The following HTT variants were observed in gnomAD, a reference collection of about 807,000 sequenced individuals.
The protein encoded by HTT is huntingtin.
Under a neutral mutation model 362.3 loss-of-function variants are expected in HTT, and 104 were observed. That is an observed-to-expected ratio of 0.29 (90% CI 0.24 to 0.34). HTT has a LOEUF of 0.34. HTT is among the 10% of genes least tolerant of loss of function. The probability of loss-of-function intolerance (pLI) is 1.00; values close to 1 mark genes in which losing one functional copy is unlikely to be tolerated. For synonymous variants in HTT, 1,577 were observed against 1,548.7 expected, an observed-to-expected ratio of 1.02 and a Z score of -0.43; for missense variants, 3,301 against 3,928.6, an observed-to-expected ratio of 0.84 and a Z score of 4.27.
intron 40 of HTT, among the ~76,000 whole-genome samples, chr4:3,198,377 A>C (rs1719369509): frequency 6.6e-6 from 1 of 151,928 alleles, no homozygotes; most frequent in Admixed American, 6.6e-5. Context: ...GGCACCCGCC[A>C]CCACACTCGG....
Position 3,129,921 on chromosome 4 carries a change from T to C in HTT, c.1744-3T>C. 3 of 1,614,024 alleles carry C rather than the reference T, an allele frequency of 1.9e-6. No homozygotes were observed. The highest frequency in any genetic ancestry group is 2.2e-5 in the South Asian group (2 of 91,068). On this transcript the variant is annotated splice_region_variant and splice_polypyrimidine_tract_variant and intron_variant, in intron 12 of 66. Transcript: ENST00000355072. ...TTCTCACAGCCCCCCTTGAACCGTT[T>C]AGGTGTTAGACGGTACCGACAACCA...
chr4:3,231,330 G>A (rs1721237820), intron 60 of HTT, among the ~76,000 whole-genome samples: 1 of 152,142 alleles, frequency 6.6e-6, no homozygotes, highest in East Asian at 1.9e-4. Flanking sequence ...TGTCATGACG[G>A]TGAATGATTT....
intron 21 of HTT, among the ~76,000 whole-genome samples, 181 bp downstream of exon 21, chr4:3,136,507 TA>T (rs1456095659): frequency 1.3e-5 from 2 of 151,828 alleles, no homozygotes; most frequent in Non-Finnish European, 2.9e-5. Context: ...AAATTATAAT[TA>T]AAAAAACAAC....
chr4:3,112,515 A>G (rs948377074), intron 6 of HTT, among the ~76,000 whole-genome samples: 1 of 152,200 alleles, frequency 6.6e-6, no homozygotes, highest in Non-Finnish European at 1.5e-5. Context: ...ACCATGGATT[A>G]AGTGTTCTTT....
rs985324398 is a variant in HTT at position 3,134,656 on chromosome 4, T to G, written c.2633+116T>G. On this transcript the variant is annotated intron_variant, in intron 19 of 66. Coordinates refer to ENST00000355072, the MANE Select transcript of HTT (RefSeq NM_001388492.1). ...CCTGTCCATCAGAAATCCGAGTGGT[T>G]TAGGTAGATGACAGTGATTTTCTCC... 3 of 921,814 alleles carry G rather than the reference T, an allele frequency of 3.3e-6. No homozygotes were observed. The African/African-American group carries it at 5.0e-5, about 15-fold the overall frequency. The allele number at this position is 921,814 out of a possible 1,614,324, so 57.1% of individuals were successfully genotyped here.
intron 26 of HTT, among the ~76,000 whole-genome samples, chr4:3,149,400 C>T (rs184978050): frequency 1.5e-3 from 226 of 149,356 alleles, no homozygotes; most frequent in Middle Eastern, 6.9e-3. Flanking sequence ...TGGGTTCAAA[C>T]GATTCTTCTG....
At chr4:3,149,934 C>G (rs1212164128) in intron 26 of HTT, among the ~76,000 whole-genome samples, 1 of 152,238 alleles carries the variant, frequency 6.6e-6, no homozygotes, top group Non-Finnish European at 1.5e-5. Flanking sequence ...CTTTACATCT[C>G]TGGGCACTGC....
In HTT at chr4:3,089,702, G is replaced by A. The variant is rs141104454; in HGVS notation, c.347+2680G>A. Among the ~76,000 whole-genome samples, 31 of 152,288 alleles carry A rather than the reference G, an allele frequency of 2.0e-4. 1 individual carries two copies. The highest frequency in any genetic ancestry group is 5.8e-4 in the African/African-American group (24 of 41,558). ...ATAAGATCTCTTTCAATCTGAGTGCGTCAGGCTTTATTCTTGTCATTTTGT... is the reference window on the plus strand; with the variant it reads ...ATAAGATCTCTTTCAATCTGAGTGCATCAGGCTTTATTCTTGTCATTTTGT... On this transcript the variant is annotated intron_variant, in intron 2 of 66. Transcript: ENST00000355072.
In HTT at chr4:3,243,120, T is replaced by C. The variant is rs1411490839; in HGVS notation, c.*3061T>C. ...ACAGCTCCTCCTCTTGGAGCTGAGATGAGCCCCACGTGGAGCTCGGGACGG... is the reference window on the plus strand; with the variant it reads ...ACAGCTCCTCCTCTTGGAGCTGAGACGAGCCCCACGTGGAGCTCGGGACGG... On this transcript the variant is annotated 3_prime_UTR_variant, in exon 67 of 67. Coordinates refer to ENST00000355072, the MANE Select transcript of HTT (RefSeq NM_001388492.1). 1 of 152,650 alleles carries C rather than the reference T, an allele frequency of 6.6e-6. No homozygotes were observed. The highest frequency in any genetic ancestry group is 1.5e-5 in the Non-Finnish European group (1 of 68,042). 9.5% of individuals were successfully genotyped at this position (152,650 alleles called of 1,614,324 possible).
In HTT at chr4:3,103,866, T is replaced by C; in HGVS notation, c.511T>C (p.Tyr171His). The C allele has an allele frequency of 6.2e-7, 1 of 1,603,686 alleles. No individual in the cohort carries two copies. The highest frequency in any genetic ancestry group is 8.5e-7 in the Non-Finnish European group (1 of 1,172,316). ...TCTTCCAAGGTTACAGCTCGAGCTC[T>C]ATAAGGAAATTAAAAAGGTGGGCCT... The part of the protein sequence containing the change: ...SNLPRLQLEL[Y>H]KEIKKNGAPR... Residue 171 changes from tyrosine to histidine, a missense_variant, in exon 4 of 67, where the codon TAT (tyrosine) becomes CAT (histidine). By Grantham distance (83) the Tyr-to-His change is moderately conservative (BLOSUM62 2). Around this residue, in one of 4 missense-constraint regions of HTT, gnomAD observed 2,316 missense variants for 2,658.5 expected, o/e 0.87. Coordinates refer to ENST00000355072, the MANE Select transcript of HTT (RefSeq NM_001388492.1).
At chr4:3,197,652 G>A (rs1243022583) in intron 40 of HTT, among the ~76,000 whole-genome samples, 1 of 152,140 alleles carries the variant, frequency 6.6e-6, no homozygotes, top group Non-Finnish European at 1.5e-5. Flanking sequence ...CCTGCGAACA[G>A]ATACTGCTCT....
At chr4:3,159,878 A>G (rs962933041) in intron 28 of HTT, among the ~76,000 whole-genome samples, 1 of 152,204 alleles carries the variant, frequency 6.6e-6, no homozygotes, top group East Asian at 1.9e-4. Flanking sequence ...AACCAACCCT[A>G]TGTGAATTTG....
At chr4:3,187,036 T>G (rs1718796966) in intron 38 of HTT, among the ~76,000 whole-genome samples, 1 of 151,358 alleles carries the variant, frequency 6.6e-6, no homozygotes, top group African/African-American at 2.4e-5. Context: ...TTTTTTTGTA[T>G]TTTTAGTAGA....
At position 3,211,980 on chromosome 4, in the gene HTT, A is replaced by G. The variant is rs1209706587; in HGVS notation, c.6466A>G (p.Ile2156Val). 1 of 1,614,104 alleles carries G rather than the reference A, an allele frequency of 6.2e-7. No individual in the cohort carries two copies. Among genetic ancestry groups the G allele is most frequent in the South Asian group, 1.1e-5 (1 of 91,078 alleles). Reference sequence around the variant, plus strand: ...ATGCTTAAGCCTAGGGATGAGTGAAATTTCTGGTGGCCAGAAGAGTGCCCT... The same window carrying G: ...ATGCTTAAGCCTAGGGATGAGTGAAGTTTCTGGTGGCCAGAAGAGTGCCCT... ...APCLSLGMSEISGGQKSALFE... is the reference protein window; with the variant it reads ...APCLSLGMSEVSGGQKSALFE... Residue 2156 changes from isoleucine to valine, a missense_variant, in exon 48 of 67, where the codon ATT becomes GTT. By Grantham distance (29) the Ile-to-Val change is conservative. Coordinates refer to ENST00000355072, the MANE Select transcript of HTT (RefSeq NM_001388492.1).
chr4:3,094,503 GC>G lies in HTT; in HGVS notation c.348-4765del, dbSNP rs1240644721. Among the ~76,000 whole-genome samples the G allele has an allele frequency of 2.6e-5, 4 of 151,200 alleles. 1 individual carries two copies. Among genetic ancestry groups the G allele is most frequent in the Admixed American group, 2.6e-4 (4 of 15,214 alleles). ...CCAGATGGGGCGGCCGGGCAGAGGC[GC>G]CCCCCAACCTCCCAGACGGGGCGGC... On this transcript the variant is annotated intron_variant, in intron 2 of 66. Coordinates refer to ENST00000355072, the MANE Select transcript of HTT (RefSeq NM_001388492.1).
intron 49 of HTT, among the ~76,000 whole-genome samples, 173 bp from the exon 50 acceptor site, chr4:3,213,785 T>A (rs1322658177): frequency 6.6e-6 from 1 of 152,136 alleles, no homozygotes; most frequent in Non-Finnish European, 1.5e-5. Context: ...GGGGAATAGG[T>A]GGGTCAGGAC....
At chr4:3,102,648 A>G (rs1171218410) in intron 3 of HTT, among the ~76,000 whole-genome samples, 1 of 152,204 alleles carries the variant, frequency 6.6e-6, no homozygotes, top group African/African-American at 2.4e-5. Context: ...GTCCACTTAC[A>G]TCAACTGCCC....
In HTT at chr4:3,225,698, C is replaced by G. The variant is rs377408760; in HGVS notation, c.7803C>G (p.Ile2601Met). 29 of 1,614,014 alleles carry G rather than the reference C, an allele frequency of 1.8e-5. No individual in the cohort carries two copies. Among genetic ancestry groups the G allele is most frequent in the Middle Eastern group, 1.6e-4 (1 of 6,082 alleles). Reference sequence around the variant, plus strand: ...GCCACGAGAAGCTGCTGCTACAGATCAACCCCGAGCGGGAGCTGGGGAGCA... The same window carrying G: ...GCCACGAGAAGCTGCTGCTACAGATGAACCCCGAGCGGGAGCTGGGGAGCA... ...LISHEKLLLQ[I>M]NPERELGSMS... is the part of the protein sequence containing the mutation. Residue 2601 changes from isoleucine (I) to methionine (M), a missense_variant, in exon 57 of 67, where the codon ATC becomes ATG. By Grantham distance (10) the Ile-to-Met change is conservative (BLOSUM62 1). Coordinates refer to ENST00000355072, the MANE Select transcript of HTT (RefSeq NM_001388492.1).
At chr4:3,172,809 C>T in intron 30 of HTT, 99 bp from the exon 31 acceptor site, 3 of 848,174 alleles carry the variant, frequency 3.5e-6, no homozygotes, top group Non-Finnish European at 4.0e-6. Flanking sequence ...TCTTTGCTAA[C>T]ATATCCAGTT....
Sources: gnomAD v4.1 joint callset for allele counts (sites outside exome capture counted in the v4.1 genomes callset) on GRCh38, gnomAD v4.1.1 for gene constraint, gnomAD v4.1.1 regional missense constraint, MANE v1.5 for transcripts, NCBI Gene and HGNC (gene_info 2026-07-23, HGNC 2026-07-21) for gene names.